MCPH1: variants seen among roughly 807,000 people sequenced by gnomAD.
MCPH1 encodes microcephalin.
MCPH1 carries 104 observed loss-of-function variants against 84.5 expected under a neutral mutation model. That is an observed-to-expected ratio of 1.23 (90% CI 1.05 to 1.45). The LOEUF (loss-of-function observed/expected upper bound fraction) is 1.45, where lower values mean the gene tolerates loss of function less well. Ranked by LOEUF, MCPH1 falls within the 40% of genes most tolerant of loss-of-function variation. The pLI is 0.00. For missense variants in MCPH1, 1,498 were observed against 1,005.7 expected, an observed-to-expected ratio of 1.49 and a Z score of -6.62; for synonymous variants, 514 against 366.8, an observed-to-expected ratio of 1.40 and a Z score of -4.58.
intron 12 of MCPH1, among the ~76,000 whole-genome samples, chr8:6,576,635 G>A (rs1464545978): frequency 7.1e-6 from 1 of 140,192 alleles, no homozygotes; most frequent in Non-Finnish European, 1.5e-5. Flanking sequence ...AGCCTTCTGA[G>A]TAGCTGGGAT....
At chr8:6,559,530 G>A (rs1396292656) in intron 12 of MCPH1, among the ~76,000 whole-genome samples, 1 of 150,512 alleles carries the variant, frequency 6.6e-6, no homozygotes, top group Non-Finnish European at 1.5e-5. Context: ...AACGATGGCA[G>A]AGGAAATGTT....
At chr8:6,433,723 A>G (rs147491690) in intron 4 of MCPH1, among the ~76,000 whole-genome samples, 14 of 151,708 alleles carry the variant, frequency 9.2e-5, no homozygotes, top group African/African-American at 3.4e-4. Context: ...AATCTGAAGC[A>G]TTAATGATTG....
At chr8:6,492,363 C>A (rs1384231355) in intron 11 of MCPH1, among the ~76,000 whole-genome samples, 1 of 151,944 alleles carries the variant, frequency 6.6e-6, no homozygotes, top group Non-Finnish European at 1.5e-5. Flanking sequence ...TTTGTAGATT[C>A]TGGATATTAG....
At chr8:6,525,848 T>C (rs1249289579) in intron 12 of MCPH1, among the ~76,000 whole-genome samples, 3 of 152,192 alleles carry the variant, frequency 2.0e-5, no homozygotes, top group Non-Finnish European at 4.4e-5. Flanking sequence ...CCTACAGGCA[T>C]AGTTGAAAGC....
chr8:6,514,785 A>G, intron 12 of MCPH1: 1 of 1,613,002 alleles, frequency 6.2e-7, no homozygotes, highest in Non-Finnish European at 8.5e-7. Flanking sequence ...AGGCCTGCAA[A>G]CAGGAATGCA....
At chr8:6,607,475 T>C (rs1829878889) in intron 12 of MCPH1, among the ~76,000 whole-genome samples, 2 of 152,214 alleles carry the variant, frequency 1.3e-5, no homozygotes, top group South Asian at 4.1e-4. Flanking sequence ...TGTTACTCTT[T>C]AGTTACAGGG....
chr8:6,458,603 G>A (rs1237851982), intron 9 of MCPH1, among the ~76,000 whole-genome samples: 1 of 152,038 alleles, frequency 6.6e-6, no homozygotes, highest in African/African-American at 2.4e-5. Context: ...TTAGAAGGAA[G>A]AATGATATAA....
chr8:6,418,555 T>A (rs1799647115), intron 3 of MCPH1, among the ~76,000 whole-genome samples: 1 of 152,174 alleles, frequency 6.6e-6, no homozygotes, highest in Non-Finnish European at 1.5e-5. Flanking sequence ...TATTTGATCT[T>A]TTTGGAGACT....
rs547416530 is a variant in MCPH1, at chr8:6,540,914, T to C, written c.2214+40985T>C. Reference sequence around the variant, plus strand: ...CCCCACAGGATCTCCCAAGGAGCCCTGGGACAGTGTCTCAGAACATCCACC... The same window carrying C: ...CCCCACAGGATCTCCCAAGGAGCCCCGGGACAGTGTCTCAGAACATCCACC... On this transcript the variant is annotated intron_variant, in intron 12 of 13. Transcript: ENST00000344683. Among the ~76,000 whole-genome samples the C allele has an allele frequency of 9.6e-4, 147 of 152,372 alleles. 3 individuals carry two copies. In the South Asian group the frequency reaches 0.029, roughly 30 times the overall value.
intron 8 of MCPH1, among the ~76,000 whole-genome samples, chr8:6,453,680 G>C (rs536092750): frequency 9.2e-5 from 14 of 152,274 alleles, no homozygotes; most frequent in South Asian, 6.2e-4. Flanking sequence ...AGGAAAATAA[G>C]TGCGTAGTAG....
intron 2 of MCPH1, among the ~76,000 whole-genome samples, chr8:6,412,165 G>C (rs1405904402): frequency 6.6e-6 from 1 of 152,158 alleles, no homozygotes; most frequent in Non-Finnish European, 1.5e-5. Context: ...AGAGGAATCC[G>C]AATATAGGAG....
chr8:6,483,374 T>C (rs1044862833), intron 11 of MCPH1, among the ~76,000 whole-genome samples: 1 of 152,146 alleles, frequency 6.6e-6, no homozygotes, highest in Non-Finnish European at 1.5e-5. Flanking sequence ...CAAAACAATT[T>C]AGAAAGGAAA....
intron 12 of MCPH1, among the ~76,000 whole-genome samples, chr8:6,603,166 C>T (rs2980672): frequency 0.025 from 3,864 of 152,236 alleles, 168 homozygotes; most frequent in African/African-American, 0.088. Context: ...CCGCCGGACT[C>T]TGCTTTAGTA....
At chr8:6,478,006 G>A (rs1460731659) in intron 10 of MCPH1, among the ~76,000 whole-genome samples, 2 of 152,214 alleles carry the variant, frequency 1.3e-5, no homozygotes, top group African/African-American at 2.4e-5. Context: ...AAGTTGCTAT[G>A]TATGCATTTT....
At chr8:6,498,876 C>T (rs1441352937) in intron 11 of MCPH1, among the ~76,000 whole-genome samples, 7 of 151,866 alleles carry the variant, frequency 4.6e-5, no homozygotes, top group South Asian at 2.1e-4. Flanking sequence ...CGGTGAAACC[C>T]GATCTCTACT....
chr8:6,461,325 CTTT>C (rs11419705), intron 9 of MCPH1, among the ~76,000 whole-genome samples: 1 of 111,000 alleles, frequency 9.0e-6, no homozygotes, highest in Admixed American at 1.2e-4. Flanking sequence ...TTTGTTGAGA[CTTT>C]TTTTTTTTTT....
At chr8:6,602,791 C>G (rs570906828) in intron 12 of MCPH1, among the ~76,000 whole-genome samples, 1 of 151,996 alleles carries the variant, frequency 6.6e-6, no homozygotes, top group Non-Finnish European at 1.5e-5. Context: ...CTGTTCTGAC[C>G]TCCCCACTCT....
At chr8:6,458,286 G>C (rs1007641029) in intron 9 of MCPH1, among the ~76,000 whole-genome samples, 1 of 151,924 alleles carries the variant, frequency 6.6e-6, no homozygotes, top group Non-Finnish European at 1.5e-5. Context: ...TCCTGGCTAA[G>C]ACGGTGAAAC....
chr8:6,551,079 A>G (rs1823565253), intron 12 of MCPH1, among the ~76,000 whole-genome samples: 1 of 152,126 alleles, frequency 6.6e-6, no homozygotes, highest in African/African-American at 2.4e-5. Context: ...TAGGTAAGGG[A>G]TTTCCTTGGG....
Sources: gnomAD v4.1 joint callset for allele counts (sites outside exome capture counted in the v4.1 genomes callset) on GRCh38, gnomAD v4.1.1 for gene constraint, MANE v1.5 for transcripts, NCBI Gene and HGNC (gene_info 2026-07-23, HGNC 2026-07-21) for gene names.